Variants in OR9Q1 observed in about 807,000 individuals in gnomAD.
OR9Q1 encodes olfactory receptor 9Q1.
For missense variants in OR9Q1, 374 were observed against 378.8 expected (o/e 0.99, Z 0.11); for synonymous variants, 153 against 148.6 (o/e 1.03, Z -0.22).
chr11:58,171,953 A>AT (rs1189659228), intron 2 of OR9Q1, among the ~76,000 whole-genome samples: 1 of 152,172 alleles, frequency 6.6e-6, no homozygotes, highest in Non-Finnish European at 1.5e-5. Context: ...GGGGGAAAAT[A>AT]TTGATAAATA....
chr11:58,052,750 GAGAAAA>G (rs1565061442), intron 1 of OR9Q1, among the ~76,000 whole-genome samples: 1 of 148,164 alleles, frequency 6.7e-6, no homozygotes, highest in East Asian at 2.0e-4. Flanking sequence ...ACAAATTTAG[GAGAAAA>G]AAACAAACAA....
intron 1 of OR9Q1, among the ~76,000 whole-genome samples, chr11:58,048,855 A>T (rs1324118515): frequency 2.1e-5 from 2 of 97,050 alleles, no homozygotes; most frequent in Admixed American, 2.5e-4. Context: ...GAAGAAATGG[A>T]TACATTCCTC....
chr11:58,144,672 G>A, intron 2 of OR9Q1: 1 of 152,840 alleles, frequency 6.5e-6, no homozygotes, highest in Non-Finnish European at 1.5e-5. Context: ...TTCTTCCTCA[G>A]TCATCTTTCC....
intron 2 of OR9Q1, among the ~76,000 whole-genome samples, chr11:58,162,325 G>T (rs1334747444): frequency 2.6e-5 from 4 of 152,200 alleles, no homozygotes; most frequent in East Asian, 1.9e-4. Flanking sequence ...CATGGAAGGA[G>T]ACTCGCTCTA....
intron 2 of OR9Q1, among the ~76,000 whole-genome samples, chr11:58,076,576 T>G (rs578147825): frequency 6.6e-6 from 1 of 152,354 alleles, no homozygotes; most frequent in Admixed American, 6.5e-5. Context: ...ACTTTTGGCT[T>G]ATATTCTAAA....
At chr11:58,172,902 A>G (rs536620994) in intron 2 of OR9Q1, among the ~76,000 whole-genome samples, 22 of 152,286 alleles carry the variant, frequency 1.4e-4, no homozygotes, top group Middle Eastern at 3.4e-3. Context: ...GCTATCACAT[A>G]CTAGGTCTAT....
chr11:58,132,962 A>C (rs1362478579), intron 2 of OR9Q1, among the ~76,000 whole-genome samples: 1 of 152,144 alleles, frequency 6.6e-6, no homozygotes, highest in Non-Finnish European at 1.5e-5. Flanking sequence ...CTATTAATCC[A>C]GCTCCCCTGG....
chr11:58,174,171 T>C (rs1854581373), intron 2 of OR9Q1, among the ~76,000 whole-genome samples: 1 of 152,190 alleles, frequency 6.6e-6, no homozygotes, highest in South Asian at 2.1e-4. Flanking sequence ...TGCTTTGTCT[T>C]GTGGGACATG....
At chr11:58,104,247 A>G (rs1394014373) in intron 2 of OR9Q1, among the ~76,000 whole-genome samples, 1 of 152,132 alleles carries the variant, frequency 6.6e-6, no homozygotes, top group Non-Finnish European at 1.5e-5. Flanking sequence ...ATGACCTGCC[A>G]TATGAACTGA....
At chr11:58,085,858 G>A (rs535179622) in intron 2 of OR9Q1, among the ~76,000 whole-genome samples, 24 of 151,688 alleles carry the variant, frequency 1.6e-4, no homozygotes, top group African/African-American at 4.4e-4. Flanking sequence ...CAAGAACCCC[G>A]CACCCATCCA....
chr11:58,112,779 C>T (rs1371458344), intron 2 of OR9Q1, among the ~76,000 whole-genome samples: 1 of 152,118 alleles, frequency 6.6e-6, no homozygotes, highest in Non-Finnish European at 1.5e-5. Context: ...GTCTGATGCC[C>T]TACATTTGGA....
intron 1 of OR9Q1, among the ~76,000 whole-genome samples, chr11:58,037,723 T>TAG (rs1853121670): frequency 2.3e-5 from 1 of 43,886 alleles, no homozygotes; most frequent in Admixed American, 3.0e-4. Context: ...TTTTTTTTTT[T>TAG]TTTTTTTTTT....
At chr11:58,090,319 C>T (rs769222644) in intron 2 of OR9Q1, among the ~76,000 whole-genome samples, 25 of 152,102 alleles carry the variant, frequency 1.6e-4, no homozygotes, top group Admixed American at 4.6e-4. Context: ...GAGATACGTT[C>T]CATCAATACC....
At chr11:58,127,843 T>C (rs1308592982) in intron 2 of OR9Q1, among the ~76,000 whole-genome samples, 2 of 152,222 alleles carry the variant, frequency 1.3e-5, no homozygotes, top group Non-Finnish European at 2.9e-5. Flanking sequence ...TAATGAAGTT[T>C]GGACTTTTGG....
intron 1 of OR9Q1, among the ~76,000 whole-genome samples, chr11:58,042,955 A>G (rs1565058127): frequency 6.6e-6 from 1 of 152,034 alleles, no homozygotes; most frequent in Non-Finnish European, 1.5e-5. Context: ...TTTGTCTGTT[A>G]TTGGTGTGTG....
chr11:58,083,571 AT>A (rs887969615), intron 2 of OR9Q1, among the ~76,000 whole-genome samples: 11 of 150,726 alleles, frequency 7.3e-5, no homozygotes, highest in South Asian at 2.1e-4. Context: ...TCTCTTCTAG[AT>A]TTTTTTTTCT....
At chr11:58,101,751 T>G (rs1853785263) in intron 2 of OR9Q1, among the ~76,000 whole-genome samples, 1 of 152,068 alleles carries the variant, frequency 6.6e-6, no homozygotes, top group African/African-American at 2.4e-5. Flanking sequence ...CTTCCAAAAT[T>G]TTTTTTTCTT....
At chr11:58,164,604 CCTT>C (rs1357322360) in intron 2 of OR9Q1, among the ~76,000 whole-genome samples, 10 of 152,220 alleles carry the variant, frequency 6.6e-5, no homozygotes, top group South Asian at 2.1e-4. Context: ...CCAAAGCAAA[CCTT>C]CTTTACTTGT....
intron 2 of OR9Q1, among the ~76,000 whole-genome samples, chr11:58,100,756 T>C (rs924426220): frequency 6.6e-6 from 1 of 152,186 alleles, no homozygotes; most frequent in African/African-American, 2.4e-5. Context: ...TATAGAATTC[T>C]AGGTGGTCAT....
Sources: allele counts gnomAD v4.1 joint callset (sites outside exome capture counted in the v4.1 genomes callset), GRCh38; gene constraint gnomAD v4.1.1; transcripts MANE v1.5; gene names NCBI Gene and HGNC (gene_info 2026-07-23, HGNC 2026-07-21).